VDAC1: variants seen among roughly 807,000 people sequenced by gnomAD.
VDAC1 encodes the protein voltage dependent anion channel 1.
In VDAC1, 10 loss-of-function variants were observed where a neutral mutation model predicts 34.7. The observed-to-expected ratio is 0.29, with a 90% CI of 0.18 to 0.49. The LOEUF (loss-of-function observed/expected upper bound fraction) is 0.49, where lower values mean the gene tolerates loss of function less well. VDAC1 is among the 20% of genes least tolerant of loss of function. VDAC1 has a pLI of 0.99. For synonymous variants in VDAC1, 130 were observed against 136.0 expected (o/e 0.96, Z 0.30); for missense variants, 230 against 347.9 (o/e 0.66, Z 2.69).
the VDAC1 span, among the ~76,000 whole-genome samples, chr5:134,039,219 C>T: frequency 3.9e-5 from 6 of 152,230 alleles, no homozygotes; most frequent in South Asian, 2.1e-4. Flanking sequence ...GCAACCCTGG[C>T]TTCACATTGA....
In VDAC1 at chr5:133,996,689, T is replaced by C. The variant is rs185025100; in HGVS notation, c.-6-3671A>G. Among the ~76,000 whole-genome samples the C allele has an allele frequency of 9.1e-4, 138 of 152,166 alleles. 1 individual carries two copies. The highest frequency in any genetic ancestry group is 1.6e-3 in the Admixed American group (25 of 15,266). On this transcript the variant is annotated intron_variant, in intron 1 of 8. Coordinates refer to ENST00000265333, the MANE Select transcript of VDAC1 (RefSeq NM_003374.3). ...TATAAAGATGCTAAGCCCTGGCACA[T>C]AATAGGCATTCAATATAAATGTGTT... is the stretch of plus-strand genomic sequence containing the variant.
the VDAC1 span, among the ~76,000 whole-genome samples, chr5:134,053,695 AACTTAGTTAGCATCTCTGTGCT>A: frequency 6.6e-6 from 1 of 152,188 alleles, no homozygotes; most frequent in Non-Finnish European, 1.5e-5. Context: ...TTTGCTGGGC[AACTTAGTTAGCATCTCTGTGCT>A]ACCCAGTCAG....
the VDAC1 span, among the ~76,000 whole-genome samples, chr5:134,076,960 T>G: frequency 0.039 from 5,946 of 152,232 alleles, 402 homozygotes; most frequent in African/African-American, 0.14. Context: ...GCACTATCCT[T>G]GTAAATAAGC....
the VDAC1 span, among the ~76,000 whole-genome samples, chr5:134,096,175 C>T: frequency 1.1e-4 from 16 of 152,350 alleles, no homozygotes; most frequent in African/African-American, 2.4e-4. Context: ...CTGACTCCCC[C>T]GCCTTGGTTC....
intron 5 of VDAC1, among the ~76,000 whole-genome samples, chr5:133,984,349 C>G (rs1752821447): frequency 6.6e-6 from 1 of 151,158 alleles, no homozygotes; most frequent in South Asian, 2.1e-4. Context: ...GTGTGAGCCA[C>G]CTCGCCTGGC....
chr5:134,102,792 A>G, the VDAC1 span, among the ~76,000 whole-genome samples: 8 of 152,082 alleles, frequency 5.3e-5, no homozygotes, highest in Non-Finnish European at 1.0e-4. Context: ...GCATGCTTCA[A>G]GATTTCCTGA....
chr5:134,066,807 G>A, the VDAC1 span, among the ~76,000 whole-genome samples: 42 of 152,248 alleles, frequency 2.8e-4, no homozygotes, highest in South Asian at 1.2e-3. Context: ...GAATTTCCCC[G>A]TTTAATGGCA....
At chr5:134,040,938 G>C in the VDAC1 span, among the ~76,000 whole-genome samples, 1 of 152,188 alleles carries the variant, frequency 6.6e-6, no homozygotes. Context: ...AATTTTGTGT[G>C]TGTGTTTTTC....
chr5:134,021,003 CAAA>C, the VDAC1 span, among the ~76,000 whole-genome samples: 263 of 139,400 alleles, frequency 1.9e-3, no homozygotes, highest in Non-Finnish European at 2.8e-3. Flanking sequence ...ACAAAAAATA[CAAA>C]AAAAAAAAAA....
chr5:134,041,321 G>A, the VDAC1 span, among the ~76,000 whole-genome samples: 2 of 152,200 alleles, frequency 1.3e-5, no homozygotes, highest in Admixed American at 1.3e-4. Flanking sequence ...TACTGCTTCA[G>A]GTACCTACAC....
the VDAC1 span, among the ~76,000 whole-genome samples, chr5:134,038,790 A>G: frequency 5.3e-5 from 8 of 152,264 alleles, no homozygotes; most frequent in African/African-American, 1.7e-4. Flanking sequence ...GTTATTTTGG[A>G]CACCAAAACC....
the VDAC1 span, among the ~76,000 whole-genome samples, chr5:134,096,951 G>A: frequency 6.6e-6 from 1 of 152,258 alleles, no homozygotes; most frequent in Admixed American, 6.5e-5. Flanking sequence ...TAAGGGGCTT[G>A]CAGCCCCCTC....
chr5:134,015,925 G>A, the VDAC1 span, among the ~76,000 whole-genome samples: 49 of 152,286 alleles, frequency 3.2e-4, no homozygotes, highest in Middle Eastern at 3.4e-3. Context: ...TTACAGGCAT[G>A]AGCCACGGTG....
At chr5:134,036,581 A>G in the VDAC1 span, among the ~76,000 whole-genome samples, 1 of 151,338 alleles carries the variant, frequency 6.6e-6, no homozygotes, top group East Asian at 2.0e-4. Flanking sequence ...CCTTGAGCCC[A>G]GGAGTATAAG....
chr5:134,020,652 T>TTTTGTTTGTTTG, the VDAC1 span, among the ~76,000 whole-genome samples: 4 of 150,098 alleles, frequency 2.7e-5, no homozygotes, highest in Non-Finnish European at 4.4e-5. Context: ...CAGGCTTCTT[T>TTTTGTTTGTTTG]TTTGTTTGTT....
chr5:133,973,544 A>G (rs1752376028), intron 8 of VDAC1, among the ~76,000 whole-genome samples: 1 of 152,220 alleles, frequency 6.6e-6, no homozygotes, highest in Non-Finnish European at 1.5e-5. Context: ...AAAAGGATGG[A>G]AGAAAATAGC....
chr5:134,003,954 C>A (rs1753657769), intron 1 of VDAC1, among the ~76,000 whole-genome samples: 1 of 152,262 alleles, frequency 6.6e-6, no homozygotes. Context: ...AGTAATCACT[C>A]CTAAGACCAA....
chr5:134,072,395 G>A, the VDAC1 span, among the ~76,000 whole-genome samples: 1 of 152,176 alleles, frequency 6.6e-6, no homozygotes, highest in Non-Finnish European at 1.5e-5. Flanking sequence ...CCATCTCACA[G>A]GATTTGTGGT....
chr5:134,004,714 G>C (rs1483725574), intron 1 of VDAC1, 181 bp downstream of exon 1: 1 of 151,330 alleles, frequency 6.6e-6, no homozygotes, highest in African/African-American at 2.4e-5. Flanking sequence ...GCAGGGAGCC[G>C]AGCCAGGGAG....
Sources: gnomAD v4.1 joint callset for allele counts (sites outside exome capture counted in the v4.1 genomes callset) on GRCh38, gnomAD v4.1.1 for gene constraint, MANE v1.5 for transcripts, NCBI Gene and HGNC (gene_info 2026-07-23, HGNC 2026-07-21) for gene names.